The following DYNC2I1 variants were observed in gnomAD, a reference collection of about 807,000 sequenced individuals.
DYNC2I1 encodes the protein dynein 2 intermediate chain 1.
Under a neutral mutation model 133.4 loss-of-function variants are expected in DYNC2I1, and 89 were observed. The observed-to-expected ratio is 0.67, with a 90% CI of 0.56 to 0.80. The LOEUF is 0.80. Among genes scored for constraint, DYNC2I1 ranks in the 30% least tolerant of loss-of-function variants. The pLI, the probability that DYNC2I1 is intolerant of heterozygous loss-of-function variation, is 0.00. For synonymous variants in DYNC2I1, 504 were observed against 484.3 expected (o/e 1.04, Z -0.54); for missense variants, 1,291 against 1,314.5 (o/e 0.98, Z 0.28).
intron 24 of DYNC2I1, among the ~76,000 whole-genome samples, chr7:158,944,115 A>C (rs919448312): frequency 2.0e-5 from 3 of 152,206 alleles, no homozygotes; most frequent in African/African-American, 7.2e-5. Context: ...TAACACTTTT[A>C]GAGTTACGTT....
At chr7:158,847,017 A>G in the DYNC2I1 span, among the ~76,000 whole-genome samples, 1 of 152,226 alleles carries the variant, frequency 6.6e-6, no homozygotes, top group Non-Finnish European at 1.5e-5. Flanking sequence ...TGACTTAAAG[A>G]AAAGTAAGTG....
intron 8 of DYNC2I1, among the ~76,000 whole-genome samples, chr7:158,892,579 T>C (rs1469141055): frequency 4.6e-5 from 7 of 152,018 alleles, no homozygotes; most frequent in Non-Finnish European, 8.8e-5. Flanking sequence ...GTAGTTGGGA[T>C]CATAGGCATG....
At chr7:158,881,614 C>A (rs564936083) in intron 5 of DYNC2I1, among the ~76,000 whole-genome samples, 2 of 152,000 alleles carry the variant, frequency 1.3e-5, no homozygotes, top group South Asian at 4.2e-4. Flanking sequence ...CCACCACTCC[C>A]GGCTAATTTT....
At position 158,918,750 on chromosome 7, in the gene DYNC2I1, T is replaced by C. The variant is rs1563170875; in HGVS notation, c.1802T>C (p.Val601Ala). The change falls in exon 15 of 25, where the codon GTT (valine) becomes GCT (alanine). Residue 601 changes from valine (V) to alanine (A), a missense_variant. Coordinates refer to ENST00000407559, the MANE Select transcript of DYNC2I1 (RefSeq NM_018051.5). ...FLRAACQVMA[V>A]LLEEDRLAAE... ...ACTTATGTCTGACAGGTGATGGCCG[T>C]TTTGCTGGAAGAGGATCGCTTGGCA... The C allele has an allele frequency of 6.2e-7, 1 of 1,613,722 alleles. No individual in the cohort carries two copies. Among genetic ancestry groups the C allele is most frequent in the East Asian group, 2.2e-5 (1 of 44,876 alleles).
chr7:158,927,408 T>TAA (rs71189436), intron 20 of DYNC2I1, among the ~76,000 whole-genome samples: 1,487 of 142,978 alleles, frequency 0.01, 24 homozygotes, highest in African/African-American at 0.03. Flanking sequence ...GTCTCTCTGT[T>TAA]AAAAAAAAAA....
At chr7:158,848,698 G>A in the DYNC2I1 span, among the ~76,000 whole-genome samples, 1 of 152,128 alleles carries the variant, frequency 6.6e-6, no homozygotes, top group Non-Finnish European at 1.5e-5. Context: ...GCCGAGGCGG[G>A]CGGATCACGA....
downstream of DYNC2I1, among the ~76,000 whole-genome samples, chr7:158,956,979 C>T (rs1411530209): frequency 2.0e-5 from 3 of 151,698 alleles, no homozygotes; most frequent in Admixed American, 1.3e-4. Context: ...GCATCGGGCT[C>T]CTTGGCGATG....
chr7:158,875,427 C>T (rs1843266304), intron 3 of DYNC2I1, among the ~76,000 whole-genome samples: 1 of 152,150 alleles, frequency 6.6e-6, no homozygotes, highest in South Asian at 2.1e-4. Flanking sequence ...CACTTTGCCT[C>T]AGTGATCTTT....
chr7:158,912,928 G>C, intron 12 of DYNC2I1, 57 bp from the exon 13 acceptor site: 1 of 1,240,036 alleles, frequency 8.1e-7, no homozygotes, highest in Middle Eastern at 1.9e-4. Flanking sequence ...TTTCAGTAAT[G>C]ACAGATTGCT....
intron 9 of DYNC2I1, among the ~76,000 whole-genome samples, chr7:158,902,081 A>G (rs1846311607): frequency 6.6e-6 from 1 of 152,250 alleles, no homozygotes; most frequent in Non-Finnish European, 1.5e-5. Flanking sequence ...ATAGGTATCT[A>G]TAAAAATACA....
At position 158,935,460 on chromosome 7, in the gene DYNC2I1, T is replaced by C. The variant is rs35341114; in HGVS notation, c.2778+911T>C. On this transcript the variant is annotated intron_variant, in intron 23 of 24. Coordinates refer to ENST00000407559, the MANE Select transcript of DYNC2I1 (RefSeq NM_018051.5). ...TTAAGTTATAACTCAGATATCCCCT[T>C]CTCTCACTAGTGTTTACAAATTTCC... 4.4e-3 allele frequency among the ~76,000 whole-genome samples: 676 copies of C among 152,360 alleles called. 4 individuals are homozygous for C. The highest frequency in any genetic ancestry group is 8.1e-3 in the Non-Finnish European group (551 of 68,040).
intron 23 of DYNC2I1, among the ~76,000 whole-genome samples, chr7:158,936,120 G>C (rs1563201173): frequency 2.0e-5 from 3 of 152,196 alleles, no homozygotes; most frequent in Non-Finnish European, 4.4e-5. Context: ...TAACCCAGGA[G>C]TCAGAGGTTG....
intron 14 of DYNC2I1, 34 bp from the exon 15 acceptor site, chr7:158,918,705 GT>G: frequency 3.7e-6 from 6 of 1,602,072 alleles, no homozygotes; most frequent in Non-Finnish European, 5.1e-6. Context: ...CCATTGTGAA[GT>G]TTTTATTAAA....
chr7:158,942,200 C>T (rs1409508179), intron 24 of DYNC2I1, 52 bp downstream of exon 24: 39 of 1,407,824 alleles, frequency 2.8e-5, no homozygotes, highest in Admixed American at 9.6e-5. Flanking sequence ...GCTTCGGCCA[C>T]GGGTGCCACT....
At chr7:158,913,571 T>C (rs1231229902) in intron 13 of DYNC2I1, among the ~76,000 whole-genome samples, 1 of 152,244 alleles carries the variant, frequency 6.6e-6, no homozygotes, top group Non-Finnish European at 1.5e-5. Context: ...ACATGTTGAA[T>C]ACTTTACTGG....
chr7:158,953,202 T>G (rs62477969), intron 4 of DYNC2I1, among the ~76,000 whole-genome samples: 1,725 of 88,104 alleles, frequency 0.02, 71 homozygotes, highest in South Asian at 0.048. Context: ...CTCTCCTAAA[T>G]TGAGTGACAC....
chr7:158,880,137 C>T (rs537815023), intron 5 of DYNC2I1, 148 bp downstream of exon 5: 11 of 841,504 alleles, frequency 1.3e-5, no homozygotes, highest in African/African-American at 6.9e-5. Flanking sequence ...GTCTTGATTA[C>T]GTGGTTAGTA....
chr7:158,843,595 T>C, the DYNC2I1 span, among the ~76,000 whole-genome samples: 1 of 150,922 alleles, frequency 6.6e-6, no homozygotes, highest in Non-Finnish European at 1.5e-5. Context: ...GAGGTTTTGC[T>C]ATGTTGGTCA....
intron 3 of DYNC2I1, among the ~76,000 whole-genome samples, chr7:158,871,906 G>A (rs1842923395): frequency 6.6e-6 from 1 of 152,152 alleles, no homozygotes; most frequent in Non-Finnish European, 1.5e-5. Flanking sequence ...TGTTATTTTT[G>A]TTTTCTCTCA....
Sources: gnomAD v4.1 joint callset for allele counts (sites outside exome capture counted in the v4.1 genomes callset) on GRCh38, gnomAD v4.1.1 for gene constraint, MANE v1.5 for transcripts, NCBI Gene and HGNC (gene_info 2026-07-23, HGNC 2026-07-21) for gene names.